PACRG: variants seen among roughly 807,000 people sequenced by gnomAD.
The protein encoded by PACRG is parkin coregulated.
A neutral mutation model predicts 29.7 loss-of-function variants in PACRG; 29 were observed. That is an observed-to-expected ratio of 0.98 (90% confidence interval 0.73 to 1.33). The LOEUF (loss-of-function observed/expected upper bound fraction) is 1.33. Among genes scored for constraint, PACRG ranks in the 40% most tolerant of loss-of-function variants. The pLI, the probability that PACRG is intolerant of heterozygous loss-of-function variation, is 0.00. For synonymous variants in PACRG, 116 were observed against 118.7 expected (o/e 0.98, Z 0.15); for missense variants, 279 against 316.2 (o/e 0.88, Z 0.89).
At chr6:162,978,818 A>G (rs1047146745) in intron 2 of PACRG, among the ~76,000 whole-genome samples, 4 of 152,188 alleles carry the variant, frequency 2.6e-5, no homozygotes, top group African/African-American at 9.6e-5. Flanking sequence ...AACCCACCAA[A>G]TAATGAAATG....
intron 2 of PACRG, among the ~76,000 whole-genome samples, chr6:162,835,332 CA>C (rs1789127898): frequency 6.6e-6 from 1 of 152,016 alleles, no homozygotes; most frequent in Admixed American, 6.6e-5. Flanking sequence ...ATTTATAAAG[CA>C]AATTCCATTT....
chr6:162,947,377 C>CATATATGATATATATCATATATGATT (rs1562765931), intron 2 of PACRG, among the ~76,000 whole-genome samples: 1 of 20,958 alleles, frequency 4.8e-5, no homozygotes, highest in African/African-American at 1.1e-4. Context: ...CATATATAAT[C>CATATATGATATATATCATATATGATT]ATATATATAA....
chr6:163,131,588 C>T (rs909510405), intron 4 of PACRG, among the ~76,000 whole-genome samples: 2 of 152,076 alleles, frequency 1.3e-5, no homozygotes, highest in East Asian at 3.9e-4. Context: ...TTTTTAGTCA[C>T]CAGGTTTGTG....
chr6:163,189,431 G>A (rs1780101707), intron 4 of PACRG: 1 of 152,192 alleles, frequency 6.6e-6, no homozygotes, highest in Non-Finnish European at 1.5e-5. Context: ...TTTCAGGGAT[G>A]GATGTTTATT....
chr6:162,950,686 TA>T (rs905317169), intron 2 of PACRG, among the ~76,000 whole-genome samples: 2 of 152,206 alleles, frequency 1.3e-5, no homozygotes, highest in African/African-American at 2.4e-5. Flanking sequence ...TTTTTCTTGG[TA>T]AATGAATTAA....
rs918462754 is a variant in PACRG, at chr6:163,262,870, C to G, written c.614-51957C>G. Among the ~76,000 whole-genome samples the G allele has an allele frequency of 5.3e-4, 78 of 148,152 alleles. 2 individuals are homozygous for G. The highest frequency in any genetic ancestry group is 1.4e-4 in the Admixed American group (2 of 14,788). On this transcript the variant is annotated intron_variant, in intron 4 of 4. Transcript: ENST00000366888. Reference sequence around the variant, plus strand: ...TAGCCTGGGCAACATAGTGAGACCCCCCCCCCCATGTCAACTAAAAATTTA... The same window carrying G: ...TAGCCTGGGCAACATAGTGAGACCCGCCCCCCCATGTCAACTAAAAATTTA...
Position 163,089,687 on chromosome 6 carries a change from T to G in PACRG, c.613+279T>G, listed in dbSNP as rs2296134. ...TTCCAATAATTAAATTTGAAGTTTT[T>G]TTAATGGTCTTTTGAATACATTAGT... is the stretch of plus-strand genomic sequence containing the variant. On this transcript the variant is annotated intron_variant, in intron 4 of 4. Transcript: ENST00000366888. Among the ~76,000 whole-genome samples, 542 of 152,366 alleles carry G rather than the reference T, an allele frequency of 3.6e-3. 12 individuals carry two copies. In the East Asian group the frequency reaches 0.065, roughly 18 times the overall value.
chr6:163,126,727 A>G (rs913145480), intron 4 of PACRG, among the ~76,000 whole-genome samples: 3 of 152,238 alleles, frequency 2.0e-5, no homozygotes, highest in African/African-American at 7.2e-5. Context: ...AAAAATAAAA[A>G]CCCAGAATAA....
intron 2 of PACRG, among the ~76,000 whole-genome samples, chr6:162,977,588 G>C (rs1264485209): frequency 6.6e-6 from 1 of 151,786 alleles, no homozygotes; most frequent in Non-Finnish European, 1.5e-5. Flanking sequence ...CCAACTTCAA[G>C]AGCAATAATT....
chr6:162,729,858 A>T (rs1183218858), intron 1 of PACRG, among the ~76,000 whole-genome samples: 1 of 152,132 alleles, frequency 6.6e-6, no homozygotes, highest in African/African-American at 2.4e-5. Context: ...AAATGTAATA[A>T]GTATGCCTAC....
At chr6:163,185,150 C>T (rs1188825894) in intron 4 of PACRG, among the ~76,000 whole-genome samples, 1 of 152,164 alleles carries the variant, frequency 6.6e-6, no homozygotes, top group African/African-American at 2.4e-5. Context: ...TCTAACCACA[C>T]TCCAGGCACC....
chr6:163,087,132 G>C (rs984929511), intron 3 of PACRG, among the ~76,000 whole-genome samples: 1 of 152,164 alleles, frequency 6.6e-6, no homozygotes, highest in Non-Finnish European at 1.5e-5. Context: ...GCAGGCTGGT[G>C]CTCCAGTGAA....
At chr6:163,054,519 G>GAGTCC (rs1279279190) in intron 2 of PACRG, among the ~76,000 whole-genome samples, 1 of 152,198 alleles carries the variant, frequency 6.6e-6, no homozygotes, top group African/African-American at 2.4e-5. Flanking sequence ...TGCGTTCGAA[G>GAGTCC]AGTCCCTAAG....
chr6:163,046,903 A>G lies in PACRG; in HGVS notation c.292-15247A>G, dbSNP rs1249019481. Among the ~76,000 whole-genome samples, 7 of 152,256 alleles carry G rather than the reference A, an allele frequency of 4.6e-5. No homozygotes were observed. The South Asian group carries it at 1.0e-3, about 22-fold the overall frequency. Reference sequence around the variant, plus strand: ...TTAACAAATTGGAACAAATCTCTGAAAAATATATGCATAGCAAAATTGTAT... The same window carrying G: ...TTAACAAATTGGAACAAATCTCTGAGAAATATATGCATAGCAAAATTGTAT... On this transcript the variant is annotated intron_variant, in intron 2 of 4. Transcript: ENST00000366888.
chr6:163,117,048 G>A (rs553223154), intron 4 of PACRG, among the ~76,000 whole-genome samples: 66 of 152,272 alleles, frequency 4.3e-4, no homozygotes, highest in African/African-American at 1.6e-3. Context: ...CCAAAAGCTG[G>A]GTGAGCATGC....
intron 1 of PACRG, among the ~76,000 whole-genome samples, chr6:162,806,427 G>GT (rs1786335131): frequency 7.0e-6 from 1 of 143,492 alleles, no homozygotes; most frequent in Non-Finnish European, 1.5e-5. Context: ...TATTTCTTAA[G>GT]TAAAAAAAAA....
intron 4 of PACRG, among the ~76,000 whole-genome samples, chr6:163,283,636 T>G (rs964591721): frequency 2.0e-5 from 3 of 147,850 alleles, no homozygotes; most frequent in Non-Finnish European, 4.5e-5. Context: ...CCGTCTCTAC[T>G]AAAAATACAA....
At chr6:162,897,467 C>T (rs1795255058) in intron 2 of PACRG, among the ~76,000 whole-genome samples, 1 of 152,162 alleles carries the variant, frequency 6.6e-6, no homozygotes, top group Non-Finnish European at 1.5e-5. Flanking sequence ...TGAGGTAATG[C>T]GATCCCAGCT....
At chr6:162,844,323 C>T (rs879040825) in intron 2 of PACRG, among the ~76,000 whole-genome samples, 8 of 151,796 alleles carry the variant, frequency 5.3e-5, no homozygotes, top group Admixed American at 2.0e-4. Context: ...TAAGCCGGTC[C>T]GAAAAGCGCA....
Sources: gnomAD v4.1 joint callset for allele counts (sites outside exome capture counted in the v4.1 genomes callset) on GRCh38, gnomAD v4.1.1 for gene constraint, MANE v1.5 for transcripts, NCBI Gene and HGNC (gene_info 2026-07-23, HGNC 2026-07-21) for gene names.